ABCD3: variants seen among roughly 807,000 people sequenced by gnomAD.
ABCD3 encodes the protein ATP-binding cassette sub-family D member 3.
Under a neutral mutation model 105.5 loss-of-function variants are expected in ABCD3, and 41 were observed. That is an observed-to-expected ratio of 0.39 (90% CI 0.30 to 0.50). The LOEUF is 0.50. Among genes scored for constraint, ABCD3 ranks in the 20% least tolerant of loss-of-function variants. The pLI is 0.84. For missense variants in ABCD3, 622 were observed against 806.3 expected (o/e 0.77, Z 2.77); for synonymous variants, 258 against 269.0 (o/e 0.96, Z 0.40).
At chr1:94,419,272 G>A (rs1659158477) in intron 1 of ABCD3, 2 of 985,316 alleles carry the variant, frequency 2.0e-6, no homozygotes, top group Non-Finnish European at 2.4e-6. Flanking sequence ...GACTTAGAGG[G>A]AAATGTTTTC....
chr1:94,438,144 G>T (rs559435124), intron 1 of ABCD3, among the ~76,000 whole-genome samples: 1 of 151,760 alleles, frequency 6.6e-6, no homozygotes, highest in Non-Finnish European at 1.5e-5. Flanking sequence ...AAAATTAGCC[G>T]GGTGTGGTGG....
the ABCD3 span, among the ~76,000 whole-genome samples, chr1:94,408,690 G>A: frequency 6.6e-6 from 1 of 152,164 alleles, no homozygotes; most frequent in African/African-American, 2.4e-5. Context: ...GAGCAGAAGA[G>A]CTAAGCTAGG....
chr1:94,499,684 A>G, intron 20 of ABCD3, 70 bp downstream of exon 20: 2 of 1,581,926 alleles, frequency 1.3e-6, no homozygotes, highest in South Asian at 1.1e-5. Context: ...CAGGACACAA[A>G]GTTTCATCTT....
At chr1:94,469,260 T>C (rs1648321087) in intron 4 of ABCD3, among the ~76,000 whole-genome samples, 1 of 152,186 alleles carries the variant, frequency 6.6e-6, no homozygotes, top group African/African-American at 2.4e-5. Flanking sequence ...GTTCATTTCC[T>C]ACTTTGGAAG....
chr1:94,518,496 TAAAAAA>T lies in ABCD3; in HGVS notation c.*1380_*1385del, dbSNP rs4148061. ...TTGTATACTTATTTTCTGTTCAGATTAAAAAAAAAAAAAAAAAACTCAGATATCCTA... is the reference window on the plus strand; with the variant it reads ...TTGTATACTTATTTTCTGTTCAGATTAAAAAAAAAAAACTCAGATATCCTA... On this transcript the variant is annotated 3_prime_UTR_variant, in exon 23 of 23. Transcript: ENST00000370214. 3 of 138,020 alleles carry T rather than the reference TAAAAAA, an allele frequency of 2.2e-5. No individual in the cohort carries two copies. Among genetic ancestry groups the T allele is most frequent in the South Asian group, 2.3e-4 (1 of 4,352 alleles). 8.5% of individuals were successfully genotyped at this position (138,020 alleles called of 1,614,324 possible).
At position 94,514,812 on chromosome 1, in the gene ABCD3, T is replaced by A. The variant is rs1039434048; in HGVS notation, c.1846-334T>A. The A allele has an allele frequency of 3.9e-5, 11 of 280,216 alleles. No homozygotes were observed. In the Admixed American group the frequency reaches 5.3e-4, roughly 13 times the overall value. 17.4% of individuals were successfully genotyped at this position (280,216 alleles called of 1,614,324 possible). On this transcript the variant is annotated intron_variant, in intron 21 of 22. Transcript: ENST00000370214. Reference sequence around the variant, plus strand: ...TCAACAATGCTATACTGATTTAATTTTTCCTGATTTTGACCTTTGGCTATT... The same window carrying A: ...TCAACAATGCTATACTGATTTAATTATTCCTGATTTTGACCTTTGGCTATT...
intron 1 of ABCD3, among the ~76,000 whole-genome samples, chr1:94,425,052 G>A (rs1659409629): frequency 6.6e-6 from 1 of 152,122 alleles, no homozygotes; most frequent in African/African-American, 2.4e-5. Context: ...AAATGTAAAT[G>A]TTGTCTTTAG....
the ABCD3 span, among the ~76,000 whole-genome samples, chr1:94,389,822 C>G: frequency 1.3e-5 from 2 of 152,120 alleles, no homozygotes; most frequent in African/African-American, 4.8e-5. Flanking sequence ...ATGGCTGCAG[C>G]GCATATGTCT....
chr1:94,507,378 T>C (rs1319761287), intron 21 of ABCD3, among the ~76,000 whole-genome samples: 1 of 152,228 alleles, frequency 6.6e-6, no homozygotes, highest in Non-Finnish European at 1.5e-5. Flanking sequence ...ATTTTCTTAA[T>C]CCAGTCTATC....
intron 7 of ABCD3, among the ~76,000 whole-genome samples, chr1:94,476,925 G>A (rs1648773766): frequency 6.6e-6 from 1 of 151,700 alleles, no homozygotes; most frequent in Non-Finnish European, 1.5e-5. Flanking sequence ...ATGTGTGTGT[G>A]TATGCATGCA....
At chr1:94,450,094 G>A (rs1570759583) in intron 1 of ABCD3, among the ~76,000 whole-genome samples, 1 of 152,162 alleles carries the variant, frequency 6.6e-6, no homozygotes, top group Non-Finnish European at 1.5e-5. Context: ...AGTGCTTGAA[G>A]GAGCTGCAGA....
Position 94,418,436 on chromosome 1 carries a change from C to T in ABCD3, c.-43C>T, listed in dbSNP as rs773113905. The stretch of plus-strand genomic sequence containing the variant: ...GCAGTAAGGTAGCCGCCGCCGCCGC[C>T]GCCGCCGCGTCCCCTCGCCGGCTCG... On this transcript the variant is annotated 5_prime_UTR_variant, in exon 1 of 23. Coordinates refer to ENST00000370214, the MANE Select transcript of ABCD3 (RefSeq NM_002858.4). 1.9e-5 allele frequency: 30 copies of T among 1,539,312 alleles called. No individual in the cohort carries two copies. The highest frequency in any genetic ancestry group is 2.5e-5 in the Non-Finnish European group (29 of 1,140,308).
At chr1:94,447,794 C>T (rs775779317) in intron 1 of ABCD3, among the ~76,000 whole-genome samples, 5 of 152,178 alleles carry the variant, frequency 3.3e-5, no homozygotes, top group Non-Finnish European at 5.9e-5. Flanking sequence ...TAGTAAATGA[C>T]ATTACCATTG....
At chr1:94,502,390 A>T (rs1269623330) in intron 20 of ABCD3, among the ~76,000 whole-genome samples, 1 of 152,138 alleles carries the variant, frequency 6.6e-6, no homozygotes, top group Non-Finnish European at 1.5e-5. Flanking sequence ...GCTAATTTTT[A>T]TTGAGTGCTG....
intron 1 of ABCD3, among the ~76,000 whole-genome samples, chr1:94,451,472 A>G (rs1216050781): frequency 6.6e-6 from 1 of 152,218 alleles, no homozygotes; most frequent in Admixed American, 6.5e-5. Context: ...CCTTGAGAAC[A>G]CATTCTAAAT....
chr1:94,391,251 T>C, the ABCD3 span, among the ~76,000 whole-genome samples: 1 of 152,208 alleles, frequency 6.6e-6, no homozygotes, highest in African/African-American at 2.4e-5. Flanking sequence ...GTATTCTTTT[T>C]ATTATATTAG....
chr1:94,396,755 G>C, the ABCD3 span, among the ~76,000 whole-genome samples: 1 of 152,118 alleles, frequency 6.6e-6, no homozygotes, highest in African/African-American at 2.4e-5. Flanking sequence ...TAATATTAAG[G>C]CTTTCCTGTG....
intron 5 of ABCD3, 150 bp downstream of exon 5, chr1:94,473,985 A>G (rs1277725526): frequency 1.4e-5 from 9 of 629,966 alleles, no homozygotes; most frequent in East Asian, 2.8e-5. Flanking sequence ...ATAATTTTCA[A>G]TGTAAACCTT....
At chr1:94,432,644 A>G (rs1260371408) in intron 1 of ABCD3, 1 of 152,218 alleles carries the variant, frequency 6.6e-6, no homozygotes, top group Non-Finnish European at 1.5e-5. Flanking sequence ...CGAATTAACC[A>G]TGTGGAAGGT....
Sources: allele counts gnomAD v4.1 joint callset (sites outside exome capture counted in the v4.1 genomes callset), GRCh38; gene constraint gnomAD v4.1.1; transcripts MANE v1.5; gene names NCBI Gene and HGNC (gene_info 2026-07-23, HGNC 2026-07-21).